Variants in GOLGA4 observed in about 807,000 individuals in gnomAD.
GOLGA4 encodes golgin A4.
In GOLGA4, 169 loss-of-function variants were observed where a neutral mutation model predicts 265.9. The observed-to-expected ratio is 0.64, with a 90% CI of 0.56 to 0.72. GOLGA4 has a LOEUF of 0.72. GOLGA4 is among the 30% of genes least tolerant of loss of function. The pLI is 0.00. For synonymous variants in GOLGA4, 923 were observed against 855.8 expected, an observed-to-expected ratio of 1.08 and a Z score of -1.37; for missense variants, 2,482 against 2,483.4, an observed-to-expected ratio of 1.00 and a Z score of 0.01.
At chr3:37,294,927 T>G (rs1428780948) in intron 5 of GOLGA4, 52 bp from the exon 6 acceptor site, 4 of 1,226,216 alleles carry the variant, frequency 3.3e-6, no homozygotes, top group African/African-American at 3.0e-5. Context: ...TTGAAAACTT[T>G]GTATTTTTTG....
At chr3:37,360,028 C>T (rs2097100379) in intron 22 of GOLGA4, among the ~76,000 whole-genome samples, 1 of 152,148 alleles carries the variant, frequency 6.6e-6, no homozygotes, top group African/African-American at 2.4e-5. Context: ...TGATCTTCAG[C>T]CTCCAGACTA....
chr3:37,342,791 A>G (rs2097041102), intron 20 of GOLGA4, among the ~76,000 whole-genome samples: 1 of 152,246 alleles, frequency 6.6e-6, no homozygotes, highest in Non-Finnish European at 1.5e-5. Flanking sequence ...TGCATATCCC[A>G]TATTAGGTTA....
Position 37,328,426 on chromosome 3 carries a change from G to A in GOLGA4, c.5950G>A (p.Glu1984Lys), listed in dbSNP as rs2096979376. Reference protein sequence around the residue: ...EREEKIKQEQEDLELKHNSTL... With the variant: ...EREEKIKQEQKDLELKHNSTL... Reference sequence around the variant, plus strand: ...ATTTTTATTACTCAGACAGGAGCAGGAAGATCTTGAACTGAAGCACAATTC... The same window carrying A: ...ATTTTTATTACTCAGACAGGAGCAGAAAGATCTTGAACTGAAGCACAATTC... Residue 1984 changes from glutamate to lysine, a missense_variant, in exon 15 of 24, where the codon GAA (glutamate) becomes AAA (lysine). By Grantham distance (56) the Glu-to-Lys change is moderately conservative. Coordinates refer to ENST00000361924, the MANE Select transcript of GOLGA4 (RefSeq NM_002078.5). 1.2e-6 allele frequency: 2 copies of A among 1,612,316 alleles called. No homozygotes were observed. Among genetic ancestry groups the A allele is most frequent in the African/African-American group, 1.3e-5 (1 of 74,858 alleles).
chr3:37,361,355 T>G (rs924788337), intron 23 of GOLGA4, 50 bp downstream of exon 23: 8 of 1,241,158 alleles, frequency 6.4e-6, no homozygotes, highest in Non-Finnish European at 9.5e-6. Context: ...TCAAATGTGT[T>G]GCCTGATACT....
chr3:37,275,723 A>T (rs1387492304), intron 2 of GOLGA4: 3 of 1,612,516 alleles, frequency 1.9e-6, no homozygotes, highest in Non-Finnish European at 1.7e-6. Flanking sequence ...CTTTGCCAAG[A>T]AGATGGACAA....
chr3:37,292,512 C>T (rs575310007), intron 5 of GOLGA4, among the ~76,000 whole-genome samples: 3 of 152,142 alleles, frequency 2.0e-5, no homozygotes, highest in African/African-American at 7.2e-5. Flanking sequence ...ATGGTGAAAC[C>T]CCGTCTCTAG....
chr3:37,336,992 A>G (rs1406742979), intron 17 of GOLGA4, 151 bp from the exon 18 acceptor site: 6 of 615,248 alleles, frequency 9.8e-6, no homozygotes, highest in East Asian at 2.9e-5. Context: ...TTAGAAGCAC[A>G]TATTTAAAGT....
chr3:37,317,327 G>A (rs1432695149), intron 11 of GOLGA4, among the ~76,000 whole-genome samples: 4 of 151,992 alleles, frequency 2.6e-5, no homozygotes, highest in South Asian at 2.1e-4. Flanking sequence ...GTGCCATCAC[G>A]CCTGGCTAGT....
intron 20 of GOLGA4, among the ~76,000 whole-genome samples, chr3:37,342,656 G>A (rs985280807): frequency 6.6e-6 from 1 of 152,092 alleles, no homozygotes. Context: ...CAGATTGTGT[G>A]TAGTTGTTCA....
At chr3:37,315,289 C>CT in intron 10 of GOLGA4, 131 bp from the exon 11 acceptor site, 1 of 758,780 alleles carries the variant, frequency 1.3e-6, no homozygotes, top group Non-Finnish European at 2.1e-6. Flanking sequence ...TATCTCTTGG[C>CT]TTAGAACAGT....
chr3:37,326,976 C>T lies in GOLGA4; in HGVS notation c.5090C>T (p.Ser1697Leu). Residue 1697 changes from serine (S) to leucine (L), a missense_variant, in exon 14 of 24, where the codon TCA (serine) becomes TTA (leucine). Ser to Leu is a moderately radical substitution (Grantham distance 145). This residue lies in a region of GOLGA4 where 942 missense variants were observed against 983.1 expected (regional missense o/e 0.96). Coordinates refer to ENST00000361924, the MANE Select transcript of GOLGA4 (RefSeq NM_002078.5). ...EVHILEEKLK[S>L]VESSQSETLI... ...CACATCTTGGAAGAAAAACTTAAGT[C>T]AGTGGAAAGTTCACAGTCAGAAACA... 6.2e-7 allele frequency: 1 copy of T among 1,613,752 alleles called. No homozygotes were observed. Among genetic ancestry groups the T allele is most frequent in the African/African-American group, 1.3e-5 (1 of 75,016 alleles).
intron 1 of GOLGA4, among the ~76,000 whole-genome samples, chr3:37,248,568 C>G (rs1312983442): frequency 6.6e-6 from 1 of 152,184 alleles, no homozygotes; most frequent in East Asian, 1.9e-4. Flanking sequence ...ATACTTTATA[C>G]TCACATCCAT....
Position 37,327,540 on chromosome 3 carries a change from A to G in GOLGA4, c.5654A>G (p.Gln1885Arg). 6.2e-7 allele frequency: 1 copy of G among 1,613,784 alleles called. No homozygotes were observed. Among genetic ancestry groups the G allele is most frequent in the Non-Finnish European group, 8.5e-7 (1 of 1,179,712 alleles). The change falls in exon 14 of 24, where the codon CAG becomes CGG. Residue 1885 changes from glutamine to arginine, a missense_variant. Physicochemically the swap from Gln to Arg is conservative, Grantham distance 43 (BLOSUM62 1). This residue lies in a region of GOLGA4 where 942 missense variants were observed against 983.1 expected (regional missense o/e 0.96). Coordinates refer to ENST00000361924, the MANE Select transcript of GOLGA4 (RefSeq NM_002078.5). ...TTGACCTCAAAATATGAAAAATTAC[A>G]GGCTTTACAACAGATGGATGGAAGA... is the stretch of plus-strand genomic sequence containing the variant. The part of the protein sequence containing the change: ...EELTSKYEKL[Q>R]ALQQMDGRNK...
Position 37,282,115 on chromosome 3 carries a change from T to C in GOLGA4, c.320T>C (p.Leu107Pro). ...SSRESLNRLD[L>P]DSSTASFDPP... The stretch of plus-strand genomic sequence containing the variant: ...AGAGAATCCCTGAATCGACTTGACC[T>C]GGACAGTTCTACTGCCAGTTTTGAT... Residue 107 changes from leucine to proline, a missense_variant, in exon 3 of 24, where the codon CTG (leucine) becomes CCG (proline). Coordinates refer to ENST00000361924, the MANE Select transcript of GOLGA4 (RefSeq NM_002078.5). 6.2e-7 allele frequency: 1 copy of C among 1,614,240 alleles called. No homozygotes were observed. The highest frequency in any genetic ancestry group is 8.5e-7 in the Non-Finnish European group (1 of 1,180,024).
chr3:37,299,544 C>T (rs897387434), intron 9 of GOLGA4, among the ~76,000 whole-genome samples, 173 bp downstream of exon 9: 1 of 152,130 alleles, frequency 6.6e-6, no homozygotes, highest in Non-Finnish European at 1.5e-5. Context: ...AGTTTTGTGT[C>T]ATGTAAAACT....
intron 23 of GOLGA4, among the ~76,000 whole-genome samples, chr3:37,364,680 G>C (rs1696610451): frequency 6.8e-6 from 1 of 147,412 alleles, no homozygotes; most frequent in African/African-American, 2.5e-5. Flanking sequence ...TTGACCTCCT[G>C]GGCTCAAGGA....
Position 37,243,796 on chromosome 3 carries a change from C to A in GOLGA4, c.72+174C>A. 3.3e-6 allele frequency: 2 copies of A among 598,058 alleles called. 1 individual carries two copies. The highest frequency in any genetic ancestry group is 4.1e-5 in the South Asian group (2 of 48,438). The allele number at this position is 598,058 out of a possible 1,614,324, so 37.0% of individuals were successfully genotyped here. A position where few individuals can be genotyped will look rare whatever the true frequency, so the allele number is the denominator to read the frequency against. Reference sequence around the variant, plus strand: ...CGGGCGGTGCAGGTCGTCCGTAACTCCTGACCTGGATTTTCCCATCGCAAA... The same window carrying A: ...CGGGCGGTGCAGGTCGTCCGTAACTACTGACCTGGATTTTCCCATCGCAAA... On this transcript the variant is annotated intron_variant, in intron 1 of 23. Transcript: ENST00000361924.
intron 1 of GOLGA4, among the ~76,000 whole-genome samples, chr3:37,248,969 A>G (rs1324438282): frequency 1.3e-5 from 2 of 152,222 alleles, no homozygotes; most frequent in East Asian, 3.8e-4. Context: ...TGATTAGTCA[A>G]GAGGTATTTC....
At chr3:37,257,957 A>ATG (rs1336022610) in intron 2 of GOLGA4, among the ~76,000 whole-genome samples, 1 of 84,120 alleles carries the variant, frequency 1.2e-5, no homozygotes, top group Non-Finnish European at 2.4e-5. Flanking sequence ...ATGTATGTAT[A>ATG]TATGTATATA....
Sources: allele counts gnomAD v4.1 joint callset (sites outside exome capture counted in the v4.1 genomes callset), GRCh38; gene constraint gnomAD v4.1.1; regional missense constraint gnomAD v4.1.1; transcripts MANE v1.5; gene names NCBI Gene and HGNC (gene_info 2026-07-23, HGNC 2026-07-21).